The following ITGA5 variants were observed in gnomAD, a reference collection of about 807,000 sequenced individuals.
The protein encoded by ITGA5 is integrin subunit alpha 5, also known as integrin alpha-5.
ITGA5 carries 55 observed loss-of-function variants against 146.3 expected under a neutral mutation model. The observed-to-expected ratio is 0.38, with a 90% CI of 0.30 to 0.47. The LOEUF (loss-of-function observed/expected upper bound fraction) is 0.47, where lower values mean the gene tolerates loss of function less well. ITGA5 is among the 20% of genes least tolerant of loss of function. ITGA5 has a pLI of 0.99. For synonymous variants in ITGA5, 500 were observed against 531.8 expected, an observed-to-expected ratio of 0.94 and a Z score of 0.82; for missense variants, 1,131 against 1,329.0, an observed-to-expected ratio of 0.85 and a Z score of 2.32.
chr12:54,401,039 C>A lies in ITGA5; in HGVS notation c.2494-44G>T, dbSNP rs1464920496. On this transcript the variant is annotated intron_variant, in intron 24 of 29. Coordinates refer to ENST00000293379, the MANE Select transcript of ITGA5 (RefSeq NM_002205.5). This position sits in a 1 kb window ranked among gnomAD's most constrained non-coding sequence, Gnocchi z 5.0. ...AATCATCATGAGAAGGAAGGGAATGCTTCTGCCCCATTGAGACCCTGGATC... is the reference window on the plus strand; with the variant it reads ...AATCATCATGAGAAGGAAGGGAATGATTCTGCCCCATTGAGACCCTGGATC... 6.9e-6 allele frequency: 11 copies of A among 1,593,628 alleles called. No individual in the cohort carries two copies. Among genetic ancestry groups the A allele is most frequent in the Non-Finnish European group, 9.4e-6 (11 of 1,167,876 alleles).
Position 54,407,702 on chromosome 12 carries a change from G to A in ITGA5, c.863-10C>T, listed in dbSNP as rs1328832464. On this transcript the variant is annotated splice_polypyrimidine_tract_variant and intron_variant, in intron 8 of 29. Coordinates refer to ENST00000293379, the MANE Select transcript of ITGA5 (RefSeq NM_002205.5). The stretch of plus-strand genomic sequence containing the variant: ...ACACCAGCAACAAAGTCTGCAAAGA[G>A]AAGAGAAAGTTGTGACCTAAGGGTG... The A allele has an allele frequency of 6.2e-6, 10 of 1,613,400 alleles. No homozygotes were observed. The highest frequency in any genetic ancestry group is 8.5e-6 in the Non-Finnish European group (10 of 1,179,516).
At position 54,419,265 on chromosome 12, in the gene ITGA5, A is replaced by C. The variant is rs1238074048; in HGVS notation, c.-67T>G. 8 of 1,497,824 alleles carry C rather than the reference A, an allele frequency of 5.3e-6. No homozygotes were observed. Among genetic ancestry groups the C allele is most frequent in the Non-Finnish European group, 7.2e-6 (8 of 1,106,686 alleles). 92.8% of individuals were successfully genotyped at this position (1,497,824 alleles called of 1,614,324 possible). A position where few individuals can be genotyped will look rare whatever the true frequency, so the allele number is the denominator to read the frequency against. On this transcript the variant is annotated 5_prime_UTR_variant, in exon 1 of 30. Coordinates refer to ENST00000293379, the MANE Select transcript of ITGA5 (RefSeq NM_002205.5). ...CGCTTCCTAAACCTCCCAGAGGCGA[A>C]TGACTCAACGCGGGGAGGAGTTTGC...
At chr12:54,399,977 C>T (rs1565638211) in intron 25 of ITGA5, 30 bp from the exon 26 acceptor site, 1 of 1,511,218 alleles carries the variant, frequency 6.6e-7, no homozygotes, top group Non-Finnish European at 9.2e-7. Flanking sequence ...GCCCCTTTCC[C>T]ATCTCATTAC....
At position 54,411,915 on chromosome 12, in the gene ITGA5, C is replaced by T; in HGVS notation, c.268G>A (p.Val90Met). 6.2e-7 allele frequency: 1 copy of T among 1,605,996 alleles called. No homozygotes were observed. The highest frequency in any genetic ancestry group is 1.1e-5 in the South Asian group (1 of 90,234). ...APKANTSQPGVLQGGAVYLCP... is the reference protein window; with the variant it reads ...APKANTSQPGMLQGGAVYLCP... Reference sequence around the variant, plus strand: ...AGGTAGACAGCACCACCCTGCAGCACTCCTGGCTGGCTGGTATTAGCCTTG... The same window carrying T: ...AGGTAGACAGCACCACCCTGCAGCATTCCTGGCTGGCTGGTATTAGCCTTG... Residue 90 changes from valine (V) to methionine (M), a missense_variant, in exon 2 of 30, where the codon GTG (valine) becomes ATG (methionine). Physicochemically the swap from Val to Met is conservative, Grantham distance 21 (BLOSUM62 1). Coordinates refer to ENST00000293379, the MANE Select transcript of ITGA5 (RefSeq NM_002205.5).
intron 11 of ITGA5, 44 bp from the exon 12 acceptor site, chr12:54,405,418 C>A: frequency 1.4e-6 from 2 of 1,438,030 alleles, no homozygotes; most frequent in Non-Finnish European, 1.9e-6. Context: ...CCCTGTCTTG[C>A]CACCCCACCC....
In ITGA5 at chr12:54,403,430, G is replaced by C; in HGVS notation, c.1777-106C>G. The C allele has an allele frequency of 7.3e-7, 1 of 1,370,718 alleles. No individual in the cohort carries two copies. The highest frequency in any genetic ancestry group is 9.9e-7 in the Non-Finnish European group (1 of 1,013,472). The allele number at this position is 1,370,718 out of a possible 1,614,324, so 84.9% of individuals were successfully genotyped here. On this transcript the variant is annotated intron_variant, in intron 17 of 29. Coordinates refer to ENST00000293379, the MANE Select transcript of ITGA5 (RefSeq NM_002205.5). This position sits in a 1 kb window ranked among gnomAD's most constrained non-coding sequence, Gnocchi z 4.9. ...CTTTGTCTGCTTAGGGCCCAATTCC[G>C]ACCATCCTCATTGTTTCAGAGGCCC... is the stretch of plus-strand genomic sequence containing the variant.
At position 54,396,309 on chromosome 12, in the gene ITGA5, G is replaced by T. The variant is rs1192849147; in HGVS notation, c.3134C>A (p.Ala1045Asp). The T allele has an allele frequency of 6.2e-7, 1 of 1,613,730 alleles. No homozygotes were observed. Among genetic ancestry groups the T allele is most frequent in the Non-Finnish European group, 8.5e-7 (1 of 1,179,614 alleles). The change falls in exon 30 of 30, where the codon GCC (alanine) becomes GAC (aspartate). Residue 1045 changes from alanine (A) to aspartate (D), a missense_variant. This residue lies in a region of ITGA5 where 889 missense variants were observed against 1,021.5 expected (regional missense o/e 0.87). Transcript: ENST00000293379. ...AMEKAQLKPPATSDA is the reference protein window; with the variant it reads ...AMEKAQLKPPDTSDA ...TGGGAGGACTCAGGCATCAGAGGTG[G>T]CTGGAGGCTTGAGCTGAGCTTTTTC...
rs890414067 is a variant in ITGA5, at chr12:54,402,420, G to T, written c.1983-90C>A. 44 of 1,273,016 alleles carry T rather than the reference G, an allele frequency of 3.5e-5. No homozygotes were observed. In the Middle Eastern group the frequency reaches 5.9e-4, roughly 17 times the overall value. The allele number at this position is 1,273,016 out of a possible 1,614,324, so 78.9% of individuals were successfully genotyped here. A position where few individuals can be genotyped will look rare whatever the true frequency, so the allele number is the denominator to read the frequency against. On this transcript the variant is annotated intron_variant, in intron 19 of 29. Coordinates refer to ENST00000293379, the MANE Select transcript of ITGA5 (RefSeq NM_002205.5). ...TTATAAGAGTAGTAATACGAGGCCG[G>T]GTGTGGTGGCTCACACCTGTAATCC... is the stretch of plus-strand genomic sequence containing the variant.
Position 54,400,836 on chromosome 12 carries a change from A to G in ITGA5, c.2643+10T>C, listed in dbSNP as rs575883731. The G allele has an allele frequency of 6.2e-7, 1 of 1,613,242 alleles. No individual in the cohort carries two copies. The highest frequency in any genetic ancestry group is 1.7e-5 in the Admixed American group (1 of 59,916). ...GCTCCTCTTCCCCATGCCAGTGTTCAGGATCTCACCTCCAGGCCCTTTGGG... is the reference window on the plus strand; with the variant it reads ...GCTCCTCTTCCCCATGCCAGTGTTCGGGATCTCACCTCCAGGCCCTTTGGG... On this transcript the variant is annotated intron_variant, in intron 25 of 29. Transcript: ENST00000293379.
At chr12:54,397,199 A>AG (rs143537399) in intron 29 of ITGA5, 166 bp downstream of exon 29, 9,334 of 615,358 alleles carry the variant, frequency 0.015, 235 homozygotes, top group South Asian at 0.071. Flanking sequence ...TATAGAATGA[A>AG]GGGGGGGATC....
intron 29 of ITGA5, 119 bp downstream of exon 29, chr12:54,397,244 AGG>A (rs1955722511): frequency 2.9e-5 from 31 of 1,068,114 alleles, no homozygotes; most frequent in Non-Finnish European, 4.1e-5. Flanking sequence ...GCATGTAGCC[AGG>A]ACAGAGGTGG....
At chr12:54,400,624 C>A in intron 25 of ITGA5, 1 of 510,702 alleles carries the variant, frequency 2.0e-6, no homozygotes, top group Non-Finnish European at 3.5e-6. Flanking sequence ...AGGGGTATGC[C>A]GGGAAACAAA....
chr12:54,418,902 C>G, intron 1 of ITGA5, 79 bp downstream of exon 1: 1 of 1,497,402 alleles, frequency 6.7e-7, no homozygotes, highest in South Asian at 1.2e-5. Flanking sequence ...AAGCCCTGGT[C>G]CCCTCCAGAC....
In ITGA5 at chr12:54,403,812, T is replaced by A; in HGVS notation, c.1622-33A>T. 2 of 1,611,620 alleles carry A rather than the reference T, an allele frequency of 1.2e-6. No homozygotes were observed. The highest frequency in any genetic ancestry group is 1.1e-5 in the South Asian group (1 of 91,038). On this transcript the variant is annotated intron_variant, in intron 16 of 29. Coordinates refer to ENST00000293379, the MANE Select transcript of ITGA5 (RefSeq NM_002205.5). This position sits in a 1 kb window ranked among gnomAD's most constrained non-coding sequence, Gnocchi z 4.9. ...CAGGGACATATAAAGGGAAACTGCC[T>A]GTCTTTCCTCATCTTTTCAGAGAGA... is the stretch of plus-strand genomic sequence containing the variant.
chr12:54,412,039 A>C, intron 1 of ITGA5, 75 bp from the exon 2 acceptor site: 1 of 1,292,146 alleles, frequency 7.7e-7, no homozygotes, highest in Non-Finnish European at 1.0e-6. Context: ...GGAAGGACCC[A>C]GGCCTCTAGG....
chr12:54,401,245 C>G lies in ITGA5; in HGVS notation c.2493+128G>C. ...TTTCTCACAGGACTCTGCCTCATGC[C>G]TTTGCATATCACTTACTCCTCCCTC... On this transcript the variant is annotated intron_variant, in intron 24 of 29. Transcript: ENST00000293379. The surrounding 1 kb of genome is among the most constrained non-coding windows in gnomAD (Gnocchi z 5.0). 1 of 830,254 alleles carries G rather than the reference C, an allele frequency of 1.2e-6. No individual in the cohort carries two copies. The highest frequency in any genetic ancestry group is 1.5e-5 in the South Asian group (1 of 66,676). The allele number at this position is 830,254 out of a possible 1,614,324, so 51.4% of individuals were successfully genotyped here.
chr12:54,402,972 G>A lies in ITGA5; in HGVS notation c.1982+11C>T. 6.2e-7 allele frequency: 1 copy of A among 1,613,092 alleles called. No homozygotes were observed. The highest frequency in any genetic ancestry group is 8.5e-7 in the Non-Finnish European group (1 of 1,179,084). On this transcript the variant is annotated intron_variant, in intron 19 of 29. Transcript: ENST00000293379. The stretch of plus-strand genomic sequence containing the variant: ...CCTGGAGCTCCCTAGCTTACCGTCA[G>A]CCCTACTTACCCAAACACTTCCAGC...
intron 11 of ITGA5, 60 bp from the exon 12 acceptor site, chr12:54,405,434 C>T: frequency 7.4e-7 from 1 of 1,359,714 alleles, no homozygotes; most frequent in Non-Finnish European, 1.0e-6. Context: ...CACCCCAATC[C>T]TAGTGCTAGA....
In ITGA5 at chr12:54,398,691, T is replaced by G. The variant is rs1592283301; in HGVS notation, c.2849A>C (p.His950Pro). 6.2e-7 allele frequency: 1 copy of G among 1,600,076 alleles called. No homozygotes were observed. The highest frequency in any genetic ancestry group is 8.5e-7 in the Non-Finnish European group (1 of 1,174,302). The change falls in exon 28 of 30, where the codon CAC becomes CCC. Residue 950 changes from histidine to proline, a missense_variant. His to Pro is a moderately conservative substitution (Grantham distance 77). Transcript: ENST00000293379. The part of the protein sequence containing the change: ...VWAKTFLQRE[H>P]QPFSLQCEAV... ...CTCACACTGCAGGCTAAATGGCTGG[T>G]GCTCCCGCTGTGGGTAGGGGAAAGT...
Sources: allele counts gnomAD v4.1 joint callset, GRCh38; gene constraint gnomAD v4.1.1; regional missense constraint gnomAD v4.1.1; non-coding constraint Gnocchi (gnomAD v3.1); transcripts MANE v1.5; gene names NCBI Gene and HGNC (gene_info 2026-07-23, HGNC 2026-07-21).